GPATCH8: variants seen among roughly 807,000 people sequenced by gnomAD.
The protein encoded by GPATCH8 is G-patch domain containing 8.
A neutral mutation model predicts 118.3 loss-of-function variants in GPATCH8; 18 were observed. The ratio of observed to expected loss-of-function variants is 0.15; its 90% CI spans 0.11 to 0.23. GPATCH8 has a LOEUF of 0.23. Ranked by LOEUF, GPATCH8 falls within the 10% of genes least tolerant of loss-of-function variation. The probability of loss-of-function intolerance (pLI) is 1.00; values close to 1 mark genes in which losing one functional copy is unlikely to be tolerated. For missense variants in GPATCH8, 1,631 were observed against 1,873.8 expected (o/e 0.87, Z 2.39); for synonymous variants, 659 against 684.7 (o/e 0.96, Z 0.59).
Position 44,461,692 on chromosome 17 carries a change from T to G in GPATCH8, c.193+2780A>C, listed in dbSNP as rs940514283. Among the ~76,000 whole-genome samples the G allele has an allele frequency of 2.7e-5, 4 of 149,870 alleles. No homozygotes were observed. The East Asian group carries it at 7.8e-4, about 29-fold the overall frequency. The stretch of plus-strand genomic sequence containing the variant: ...TAAAGGGAACCAAAATTCTAAACTG[T>G]TTTTTTTTCGTGTGTGTGTGAGACA... On this transcript the variant is annotated intron_variant, in intron 3 of 7. Transcript: ENST00000591680.
At chr17:44,480,996 C>G (rs774851457) in intron 1 of GPATCH8, among the ~76,000 whole-genome samples, 5 of 152,156 alleles carry the variant, frequency 3.3e-5, no homozygotes, top group Non-Finnish European at 7.3e-5. Flanking sequence ...AGCCTCAACC[C>G]TCCTTGGGGC....
chr17:44,398,391 T>G lies in GPATCH8; in HGVS notation c.3686A>C (p.His1229Pro), dbSNP rs778231356. The change falls in exon 8 of 8, where the codon CAT becomes CCT. Residue 1229 changes from histidine (H) to proline (P), a missense_variant. Around this residue, in one of 8 missense-constraint regions of GPATCH8, gnomAD observed 922 missense variants for 879.7 expected, o/e 1.05. Coordinates refer to ENST00000591680, the MANE Select transcript of GPATCH8 (RefSeq NM_001002909.4). Reference sequence around the variant, plus strand: ...TGGGTCCCCAGGGTAGCAGTCAGAATGTGCTGGGGTGCCTAGTGGAGCCAC... The same window carrying G: ...TGGGTCCCCAGGGTAGCAGTCAGAAGGTGCTGGGGTGCCTAGTGGAGCCAC... Reference protein sequence around the residue: ...HPVAPLGTPAHSDCYPGDPTI... With the variant: ...HPVAPLGTPAPSDCYPGDPTI... 5 of 1,613,922 alleles carry G rather than the reference T, an allele frequency of 3.1e-6. No individual in the cohort carries two copies. Among genetic ancestry groups the G allele is most frequent in the Non-Finnish European group, 4.2e-6 (5 of 1,179,958 alleles).
intron 1 of GPATCH8, among the ~76,000 whole-genome samples, chr17:44,490,383 C>A (rs1969151547): frequency 6.6e-6 from 1 of 152,056 alleles, no homozygotes. Flanking sequence ...AACTAAAACT[C>A]ATGGTTATCC....
At chr17:44,428,207 C>T (rs539756794) in intron 5 of GPATCH8, among the ~76,000 whole-genome samples, 28 of 151,110 alleles carry the variant, frequency 1.9e-4, no homozygotes, top group Admixed American at 5.3e-4. Flanking sequence ...AAAAAGTACT[C>T]GTAGGCTGGG....
At chr17:44,441,871 A>T (rs2050702190) in intron 3 of GPATCH8, among the ~76,000 whole-genome samples, 1 of 150,818 alleles carries the variant, frequency 6.6e-6, no homozygotes. Context: ...TCTACTAAAA[A>T]TACAAAATTA....
At chr17:44,431,156 A>C (rs928206592) in intron 5 of GPATCH8, among the ~76,000 whole-genome samples, 1 of 151,004 alleles carries the variant, frequency 6.6e-6, no homozygotes, top group Non-Finnish European at 1.5e-5. Flanking sequence ...GGATCACTTG[A>C]GGTCAGGAGT....
intron 7 of GPATCH8, among the ~76,000 whole-genome samples, chr17:44,403,132 G>A (rs1180396248): frequency 6.6e-6 from 1 of 152,110 alleles, no homozygotes; most frequent in Non-Finnish European, 1.5e-5. Flanking sequence ...CTGGAGTACA[G>A]TGGTGCGATC....
chr17:44,438,933 C>CT (rs1288625124), intron 3 of GPATCH8, among the ~76,000 whole-genome samples: 4 of 152,122 alleles, frequency 2.6e-5, no homozygotes, highest in African/African-American at 9.7e-5. Context: ...AGAACATGAA[C>CT]AACACCCTCT....
intron 3 of GPATCH8, among the ~76,000 whole-genome samples, chr17:44,454,348 C>T (rs2051247304): frequency 6.6e-6 from 1 of 152,154 alleles, no homozygotes; most frequent in African/African-American, 2.4e-5. Flanking sequence ...GACTTGAACT[C>T]CCAGGCTCAA....
At chr17:44,414,159 G>GTATA (rs536583321) in intron 6 of GPATCH8, among the ~76,000 whole-genome samples, 1 of 100,854 alleles carries the variant, frequency 9.9e-6, no homozygotes, top group African/African-American at 3.3e-5. Flanking sequence ...ATATATATGT[G>GTATA]TATATATATA....
intron 6 of GPATCH8, among the ~76,000 whole-genome samples, chr17:44,414,117 GTATATATATGTGTATATA>G (rs199681837): frequency 3.6e-5 from 5 of 138,086 alleles, no homozygotes; most frequent in Admixed American, 7.1e-5. Flanking sequence ...ATATATATAT[GTATATATATGTGTATATA>G]TATATATGTG....
chr17:44,490,827 C>T (rs191158017), intron 1 of GPATCH8, among the ~76,000 whole-genome samples: 4 of 152,256 alleles, frequency 2.6e-5, no homozygotes, highest in African/African-American at 4.8e-5. Context: ...AGCTCTAGTT[C>T]CTTACAAGTC....
intron 2 of GPATCH8, chr17:44,464,950 G>C: frequency 5.9e-6 from 1 of 170,204 alleles, no homozygotes; most frequent in East Asian, 1.6e-4. Context: ...TTTTTTTAAA[G>C]AAAATCTACA....
intron 6 of GPATCH8, among the ~76,000 whole-genome samples, chr17:44,412,071 C>T (rs988713048): frequency 1.3e-5 from 2 of 151,876 alleles, no homozygotes; most frequent in Non-Finnish European, 2.9e-5. Flanking sequence ...TACAAGCATG[C>T]GCCACCACGC....
chr17:44,428,274 CCT>C (rs2143945787), intron 5 of GPATCH8, among the ~76,000 whole-genome samples: 1 of 151,980 alleles, frequency 6.6e-6, no homozygotes, highest in Non-Finnish European at 1.5e-5. Flanking sequence ...GGGTGGATCA[CCT>C]GAGGTCAGGA....
chr17:44,404,477 T>C (rs1044162687), intron 7 of GPATCH8, among the ~76,000 whole-genome samples: 1 of 152,136 alleles, frequency 6.6e-6, no homozygotes, highest in African/African-American at 2.4e-5. Flanking sequence ...AAAATGGGAA[T>C]CATTGTAATA....
intron 3 of GPATCH8, among the ~76,000 whole-genome samples, chr17:44,457,751 A>G (rs2051388465): frequency 6.6e-6 from 1 of 152,084 alleles, no homozygotes; most frequent in Admixed American, 6.6e-5. Context: ...CTGGAAGACT[A>G]GTGAGACCTA....
At chr17:44,460,463 GCCACA>G (rs2051501789) in intron 3 of GPATCH8, among the ~76,000 whole-genome samples, 1 of 152,120 alleles carries the variant, frequency 6.6e-6, no homozygotes, top group Non-Finnish European at 1.5e-5. Flanking sequence ...TTAATATCCT[GCCACA>G]GATAACTTCA....
chr17:44,457,023 C>A (rs535254749), intron 3 of GPATCH8, among the ~76,000 whole-genome samples: 20 of 152,120 alleles, frequency 1.3e-4, no homozygotes, highest in African/African-American at 4.6e-4. Flanking sequence ...CCACCACACC[C>A]AGCTAATTTT....
Sources: allele counts gnomAD v4.1 joint callset (sites outside exome capture counted in the v4.1 genomes callset), GRCh38; gene constraint gnomAD v4.1.1; regional missense constraint gnomAD v4.1.1; transcripts MANE v1.5; gene names NCBI Gene and HGNC (gene_info 2026-07-23, HGNC 2026-07-21).